Variants in CLSTN2 observed in about 807,000 individuals in gnomAD.
The protein encoded by CLSTN2 is calsyntenin-2.
In CLSTN2, 48 loss-of-function variants were observed where a neutral mutation model predicts 101.2. That is an observed-to-expected ratio of 0.47 (90% CI 0.38 to 0.60). The LOEUF (loss-of-function observed/expected upper bound fraction) is 0.60. Among genes scored for constraint, CLSTN2 ranks in the 20% least tolerant of loss-of-function variants. CLSTN2 has a pLI of 0.00. For missense variants in CLSTN2, 1,160 were observed against 1,238.2 expected, an observed-to-expected ratio of 0.94 and a Z score of 0.95; for synonymous variants, 481 against 463.6, an observed-to-expected ratio of 1.04 and a Z score of -0.48.
At chr3:139,973,241 A>T (rs1935746461) in intron 1 of CLSTN2, among the ~76,000 whole-genome samples, 1 of 152,218 alleles carries the variant, frequency 6.6e-6, no homozygotes, top group African/African-American at 2.4e-5. Context: ...CATGACTGAG[A>T]AGCCACATCT....
chr3:140,244,574 C>T (rs1183265929), intron 2 of CLSTN2, among the ~76,000 whole-genome samples: 1 of 152,096 alleles, frequency 6.6e-6, no homozygotes, highest in Non-Finnish European at 1.5e-5. Flanking sequence ...TAACCCTGGC[C>T]CTTAAGTTCA....
intron 2 of CLSTN2, among the ~76,000 whole-genome samples, chr3:140,393,035 T>C (rs142609926): frequency 7.8e-4 from 119 of 152,166 alleles, no homozygotes; most frequent in Non-Finnish European, 1.2e-3. Context: ...CCCACGCCCA[T>C]GATAACCTGC....
At chr3:140,063,620 T>A (rs1360969148) in intron 1 of CLSTN2, among the ~76,000 whole-genome samples, 2 of 152,100 alleles carry the variant, frequency 1.3e-5, no homozygotes, top group Non-Finnish European at 2.9e-5. Context: ...AATATGTAAA[T>A]GATAATTTAA....
At chr3:140,477,973 CAG>C (rs1934023150) in intron 8 of CLSTN2, among the ~76,000 whole-genome samples, 1 of 152,220 alleles carries the variant, frequency 6.6e-6, no homozygotes, top group Non-Finnish European at 1.5e-5. Flanking sequence ...AGACCATACT[CAG>C]GGGTCACATC....
chr3:140,303,414 C>T (rs2087079160), intron 2 of CLSTN2, among the ~76,000 whole-genome samples: 1 of 152,130 alleles, frequency 6.6e-6, no homozygotes, highest in South Asian at 2.1e-4. Flanking sequence ...CCCAGCTCTG[C>T]GTCTGCCCAA....
chr3:140,313,180 G>T (rs184078902), intron 2 of CLSTN2, among the ~76,000 whole-genome samples: 231 of 152,206 alleles, frequency 1.5e-3, no homozygotes, highest in African/African-American at 4.6e-3. Context: ...AACCATCAGT[G>T]GAACAAATTG....
chr3:140,301,508 A>G (rs918633152), intron 2 of CLSTN2, among the ~76,000 whole-genome samples: 1 of 152,218 alleles, frequency 6.6e-6, no homozygotes, highest in African/African-American at 2.4e-5. Flanking sequence ...GCGAGATTAT[A>G]TTTCATGTAG....
intron 2 of CLSTN2, among the ~76,000 whole-genome samples, chr3:140,269,130 G>C (rs576245569): frequency 5.3e-5 from 8 of 152,116 alleles, no homozygotes; most frequent in Non-Finnish European, 1.0e-4. Context: ...TATTTACTGA[G>C]AGACTCCTTG....
chr3:140,135,117 C>CATATATATATAT (rs66931848), intron 1 of CLSTN2, among the ~76,000 whole-genome samples: 11 of 58,112 alleles, frequency 1.9e-4, no homozygotes, highest in East Asian at 4.5e-4. Context: ...CACACACACA[C>CATATATATATAT]ATATATATAT....
intron 2 of CLSTN2, among the ~76,000 whole-genome samples, chr3:140,232,884 A>G (rs2086382999): frequency 1.3e-5 from 2 of 152,238 alleles, no homozygotes; most frequent in South Asian, 4.2e-4. Context: ...TTAGTTCAGA[A>G]CACCAGCTCT....
chr3:140,167,083 T>C (rs1055457758), intron 1 of CLSTN2, among the ~76,000 whole-genome samples: 1 of 152,168 alleles, frequency 6.6e-6, no homozygotes, highest in Non-Finnish European at 1.5e-5. Flanking sequence ...ACTACTTCTT[T>C]CTGGAAAGGA....
chr3:140,077,544 C>T (rs1023201190), intron 1 of CLSTN2, among the ~76,000 whole-genome samples: 18 of 152,190 alleles, frequency 1.2e-4, no homozygotes, highest in Middle Eastern at 3.4e-3. Context: ...TGCAAATGTG[C>T]GAGATGTGGG....
intron 10 of CLSTN2, among the ~76,000 whole-genome samples, chr3:140,553,921 G>GA (rs1935753241): frequency 6.6e-6 from 1 of 152,098 alleles, no homozygotes; most frequent in African/African-American, 2.4e-5. Flanking sequence ...ACAAGTGAAA[G>GA]AAAAAAGTCC....
At chr3:140,122,785 A>G (rs6791457) in intron 1 of CLSTN2, among the ~76,000 whole-genome samples, 111,127 of 152,088 alleles carry the variant, frequency 0.73, 40,760 homozygotes, top group East Asian at 0.81. Context: ...CAGATGTTTT[A>G]GGCTTTGTGG....
At chr3:140,353,242 CAT>C (rs34831776) in intron 2 of CLSTN2, among the ~76,000 whole-genome samples, 7,188 of 146,634 alleles carry the variant, frequency 0.049, 403 homozygotes, top group African/African-American at 0.14. Flanking sequence ...TATGTTTACA[CAT>C]ATATATATAT....
chr3:140,391,384 A>C (rs908682783), intron 2 of CLSTN2, among the ~76,000 whole-genome samples: 1 of 19,770 alleles, frequency 5.1e-5, no homozygotes, highest in African/African-American at 1.5e-4. Flanking sequence ...GGTGGGCGGG[A>C]GGGGCGGGTA....
chr3:140,003,909 A>T (rs1194810229), intron 1 of CLSTN2, among the ~76,000 whole-genome samples: 2 of 152,196 alleles, frequency 1.3e-5, no homozygotes, highest in African/African-American at 2.4e-5. Flanking sequence ...ATTATCCATG[A>T]GTCCATTTCT....
In CLSTN2 at chr3:140,466,681, G is replaced by A. The variant is rs370992311; in HGVS notation, c.1294G>A (p.Asp432Asn). 5.0e-6 allele frequency: 8 copies of A among 1,613,966 alleles called. No homozygotes were observed. The highest frequency in any genetic ancestry group is 3.3e-5 in the South Asian group (3 of 91,062). ...CGTCTTTCTCTTGCGGAAGGACTTC[G>A]ACCAGGCTGACACCTTTCGCCCCGC... ...RLVFLLRKDFDQADTFRPAEF... is the reference protein window; with the variant it reads ...RLVFLLRKDFNQADTFRPAEF... The change falls in exon 8 of 17, where the codon GAC becomes AAC. Residue 432 changes from aspartate to asparagine, a missense_variant. By Grantham distance (23) the Asp-to-Asn change is conservative. Coordinates refer to ENST00000458420, the MANE Select transcript of CLSTN2 (RefSeq NM_022131.3).
intron 2 of CLSTN2, among the ~76,000 whole-genome samples, chr3:140,190,603 T>C (rs1427598817): frequency 6.6e-6 from 1 of 152,100 alleles, no homozygotes; most frequent in Non-Finnish European, 1.5e-5. Context: ...TTCATTAGTG[T>C]TGTATAGATT....
Sources: gnomAD v4.1 joint callset for allele counts (sites outside exome capture counted in the v4.1 genomes callset) on GRCh38, gnomAD v4.1.1 for gene constraint, MANE v1.5 for transcripts, NCBI Gene and HGNC (gene_info 2026-07-23, HGNC 2026-07-21) for gene names.